The following ZNF786 variants were observed in gnomAD, a reference collection of about 807,000 sequenced individuals.
ZNF786 encodes zinc finger protein 786.
ZNF786 carries 56 observed loss-of-function variants against 63.1 expected under a neutral mutation model. The observed-to-expected ratio is 0.89, with a 90% CI of 0.72 to 1.11. The LOEUF is 1.11. Ranked by LOEUF, ZNF786 falls within the 50% of genes least tolerant of loss-of-function variation. The pLI, the probability that ZNF786 is intolerant of heterozygous loss-of-function variation, is 0.00. For missense variants in ZNF786, 1,213 were observed against 1,041.8 expected, an observed-to-expected ratio of 1.16 and a Z score of -2.26; for synonymous variants, 485 against 406.9, an observed-to-expected ratio of 1.19 and a Z score of -2.31.
At chr7:149,075,659 T>TTTG (rs1164339019) in intron 2 of ZNF786, among the ~76,000 whole-genome samples, 27 of 108,692 alleles carry the variant, frequency 2.5e-4, no homozygotes, top group Non-Finnish European at 4.2e-4. Flanking sequence ...CTTCAGGTTT[T>TTTG]TTTTTTTTTT....
intron 1 of ZNF786, 114 bp downstream of exon 1, chr7:149,090,509 G>A (rs1052759669): frequency 8.8e-5 from 107 of 1,214,698 alleles, no homozygotes; most frequent in Middle Eastern, 2.1e-4. Flanking sequence ...TGCAGACTCC[G>A]TCCTACCCGT....
At chr7:149,076,726 A>G (rs964513336) in intron 2 of ZNF786, among the ~76,000 whole-genome samples, 8 of 151,626 alleles carry the variant, frequency 5.3e-5, no homozygotes, top group Admixed American at 2.6e-4. Context: ...CTTGAAAAAA[A>G]AAAAAAAAAA....
intron 3 of ZNF786, among the ~76,000 whole-genome samples, chr7:149,073,764 T>TAC: frequency 9.4e-6 from 1 of 106,442 alleles, no homozygotes; most frequent in Non-Finnish European, 1.9e-5. Context: ...TATATATATA[T>TAC]ATATATATAT....
At chr7:149,073,112 C>G (rs1172505904) in intron 3 of ZNF786, among the ~76,000 whole-genome samples, 3 of 152,176 alleles carry the variant, frequency 2.0e-5, no homozygotes, top group Non-Finnish European at 4.4e-5. Flanking sequence ...GCCAATGTTT[C>G]AAGAAGGTTT....
At chr7:149,086,104 A>G (rs1481034880) in intron 1 of ZNF786, among the ~76,000 whole-genome samples, 1 of 152,162 alleles carries the variant, frequency 6.6e-6, no homozygotes, top group Non-Finnish European at 1.5e-5. Context: ...TCTGGCTAGG[A>G]CTTCCCATCT....
intron 1 of ZNF786, among the ~76,000 whole-genome samples, chr7:149,081,930 T>C (rs1373762861): frequency 6.6e-6 from 1 of 152,156 alleles, no homozygotes; most frequent in African/African-American, 2.4e-5. Flanking sequence ...AATTAATGTA[T>C]ATAAATCAGT....
rs1825448536 is a variant in ZNF786 at position 149,072,493 on chromosome 7, T to A, written c.299-20A>T. ...GGCTTCCTGCAATTGAAAACAAAAA[T>A]TCAGTCGGTATTCCTGTCTGCAGCA... On this transcript the variant is annotated intron_variant, in intron 3 of 3. Coordinates refer to ENST00000491431, the MANE Select transcript of ZNF786 (RefSeq NM_152411.4). The A allele has an allele frequency of 6.4e-7, 1 of 1,550,898 alleles. No homozygotes were observed. Among genetic ancestry groups the A allele is most frequent in the Admixed American group, 2.0e-5 (1 of 51,174 alleles).
rs1262368693 is a variant in ZNF786, at chr7:149,071,679, C to G, written c.1093G>C (p.Ala365Pro). 1 of 1,566,648 alleles carries G rather than the reference C, an allele frequency of 6.4e-7. No homozygotes were observed. The highest frequency in any genetic ancestry group is 2.3e-5 in the East Asian group (1 of 42,684). Residue 365 changes from alanine (A) to proline (P), a missense_variant, in exon 4 of 4, where the codon GCA becomes CCA. Coordinates refer to ENST00000491431, the MANE Select transcript of ZNF786 (RefSeq NM_152411.4). ...EGDTEALQHG[A>P]EGPCSCSECG... The stretch of plus-strand genomic sequence containing the variant: ...TCCGAGCAGGAGCAGGGCCCCTCTG[C>G]GCCATGCTGCAGCGCCTCCGTGTCC...
chr7:149,084,719 G>A (rs528164198), intron 1 of ZNF786, among the ~76,000 whole-genome samples: 45 of 151,990 alleles, frequency 3.0e-4, no homozygotes, highest in Non-Finnish European at 5.7e-4. Flanking sequence ...TGCATAGTTT[G>A]CAAATATCCC....
intron 1 of ZNF786, among the ~76,000 whole-genome samples, chr7:149,083,511 G>A (rs928572205): frequency 5.9e-5 from 9 of 152,124 alleles, no homozygotes; most frequent in South Asian, 2.1e-4. Context: ...CACCGCGCCC[G>A]GCCAAAGTTT....
chr7:149,071,423 T>A lies in ZNF786; in HGVS notation c.1349A>T (p.Glu450Val). 6.2e-7 allele frequency: 1 copy of A among 1,613,024 alleles called. No homozygotes were observed. Among genetic ancestry groups the A allele is most frequent in the South Asian group, 1.1e-5 (1 of 91,054 alleles). ...LTEHIRVHSG[E>V]KPFRCAKCGR... is the part of the protein sequence containing the mutation. ...ACACTTGGCACACCGGAAAGGCTTC[T>A]CTCCGCTGTGGACTCGAATGTGCTC... The change falls in exon 4 of 4, where the codon GAG (glutamate) becomes GTG (valine). Residue 450 changes from glutamate (E) to valine (V), a missense_variant. Physicochemically the swap from Glu to Val is moderately radical, Grantham distance 121 (BLOSUM62 -2). Coordinates refer to ENST00000491431, the MANE Select transcript of ZNF786 (RefSeq NM_152411.4).
At chr7:149,090,322 C>T (rs545935764) in intron 1 of ZNF786, among the ~76,000 whole-genome samples, 68 of 152,366 alleles carry the variant, frequency 4.5e-4, no homozygotes, top group African/African-American at 1.6e-3. Context: ...CCTTTCTATC[C>T]TTTCCACCGT....
chr7:149,087,993 C>CTTTTTTTTTTTTTTTTTT (rs11304737), intron 1 of ZNF786, among the ~76,000 whole-genome samples: 1 of 126,272 alleles, frequency 7.9e-6, no homozygotes, highest in Non-Finnish European at 1.7e-5. Flanking sequence ...GTTGCCCAGG[C>CTTTTTTTTTTTTTTTTTT]TTTTTTTTTT....
Position 149,080,727 on chromosome 7 carries a change from T to C in ZNF786, c.19-10A>G. 1 of 1,599,072 alleles carries C rather than the reference T, an allele frequency of 6.3e-7. No homozygotes were observed. The highest frequency in any genetic ancestry group is 8.5e-7 in the Non-Finnish European group (1 of 1,174,900). Reference sequence around the variant, plus strand: ...CAAAAGTCAGAGGTAGCTGAAATTGTAGACATAAGACATATGCATTCATGG... The same window carrying C: ...CAAAAGTCAGAGGTAGCTGAAATTGCAGACATAAGACATATGCATTCATGG... On this transcript the variant is annotated splice_polypyrimidine_tract_variant and intron_variant, in intron 1 of 3. Transcript: ENST00000491431.
chr7:149,089,980 G>A (rs1486755028), intron 1 of ZNF786, among the ~76,000 whole-genome samples: 2 of 152,192 alleles, frequency 1.3e-5, no homozygotes, highest in South Asian at 2.1e-4. Flanking sequence ...CTCCCAAAGT[G>A]CTGGGATTAC....
In ZNF786 at chr7:149,071,552, C is replaced by A. The variant is rs62507486; in HGVS notation, c.1220G>T (p.Arg407Leu). The A allele has an allele frequency of 6.2e-7, 1 of 1,612,936 alleles. No individual in the cohort carries two copies. Among genetic ancestry groups the A allele is most frequent in the Non-Finnish European group, 8.5e-7 (1 of 1,179,846 alleles). ...GTGGACCTGCAGCAGGCGGCGCAGG[C>A]GGAAGCGCTTGGTGCAATGCGCACA... ...FQCAHCTKRF[R>L]LRRLLQVHQH... The change falls in exon 4 of 4, where the codon CGC becomes CTC. Residue 407 changes from arginine (R) to leucine (L), a missense_variant. By Grantham distance (102) the Arg-to-Leu change is moderately radical (BLOSUM62 -2). Transcript: ENST00000491431.
At chr7:149,079,384 G>A (rs1825615604) in intron 2 of ZNF786, among the ~76,000 whole-genome samples, 1 of 151,722 alleles carries the variant, frequency 6.6e-6, no homozygotes, top group Admixed American at 6.6e-5. Context: ...ACTCCAGCCT[G>A]GGCGACGGAG....
At chr7:149,079,670 A>C (rs1269437986) in intron 2 of ZNF786, among the ~76,000 whole-genome samples, 2 of 146,206 alleles carry the variant, frequency 1.4e-5, no homozygotes, top group African/African-American at 5.0e-5. Context: ...TCCCAGGTTC[A>C]AGTGATTCTC....
At position 149,071,465 on chromosome 7, in the gene ZNF786, T is replaced by G; in HGVS notation, c.1307A>C (p.Lys436Thr). 2 of 1,605,178 alleles carry G rather than the reference T, an allele frequency of 1.2e-6. No homozygotes were observed. Among genetic ancestry groups the G allele is most frequent in the South Asian group, 2.2e-5 (2 of 90,300 alleles). ...AATGTGCTCCGTGAGTTTACACTGCTTGGCGAAGCCCTTGCCACACTTCCT... is the reference window on the plus strand; with the variant it reads ...AATGTGCTCCGTGAGTTTACACTGCGTGGCGAAGCCCTTGCCACACTTCCT... ...SCRKCGKGFA[K>T]QCKLTEHIRV... The change falls in exon 4 of 4, where the codon AAG (lysine) becomes ACG (threonine). Residue 436 changes from lysine (K) to threonine (T), a missense_variant. Coordinates refer to ENST00000491431, the MANE Select transcript of ZNF786 (RefSeq NM_152411.4).
Sources: gnomAD v4.1 joint callset for allele counts (sites outside exome capture counted in the v4.1 genomes callset) on GRCh38, gnomAD v4.1.1 for gene constraint, MANE v1.5 for transcripts, NCBI Gene and HGNC (gene_info 2026-07-23, HGNC 2026-07-21) for gene names.